Variants in NXPE2 observed in about 807,000 individuals in gnomAD.
NXPE2 encodes the protein neurexophilin and PC-esterase domain family member 2.
Under a neutral mutation model 34.4 loss-of-function variants are expected in NXPE2, and 34 were observed. The observed-to-expected ratio is 0.99, with a 90% CI of 0.75 to 1.31. The LOEUF (loss-of-function observed/expected upper bound fraction) is 1.31. NXPE2 is among the 40% of genes most tolerant of loss of function. The pLI is 0.00. For synonymous variants in NXPE2, 235 were observed against 231.3 expected, an observed-to-expected ratio of 1.02 and a Z score of -0.15; for missense variants, 649 against 672.5, an observed-to-expected ratio of 0.97 and a Z score of 0.39.
At chr11:114,590,654 G>A in the NXPE2 span, among the ~76,000 whole-genome samples, 1 of 152,130 alleles carries the variant, frequency 6.6e-6, no homozygotes, top group Non-Finnish European at 1.5e-5. Context: ...GAAAGGAATG[G>A]GCATGGGAAT....
At chr11:114,686,083 A>G in intron 2 of NXPE2, among the ~76,000 whole-genome samples, 1 of 152,048 alleles carries the variant, frequency 6.6e-6, no homozygotes, top group East Asian at 1.9e-4. Context: ...AGGGTACATG[A>G]GATTTCTCTA....
the NXPE2 span, among the ~76,000 whole-genome samples, chr11:114,807,986 A>T: frequency 1.3e-5 from 2 of 152,234 alleles, no homozygotes; most frequent in East Asian, 1.9e-4. Context: ...AAATTATAAC[A>T]AACTGTCTCT....
chr11:114,518,625 ACTTTGCTCTGAGGTATC>A, the NXPE2 span, among the ~76,000 whole-genome samples: 21 of 152,284 alleles, frequency 1.4e-4, no homozygotes, highest in Admixed American at 8.5e-4. Context: ...GCAGACCATC[ACTTTGCTCTGAGGTATC>A]CTTTGCTCTG....
At chr11:114,504,995 C>T in the NXPE2 span, among the ~76,000 whole-genome samples, 11 of 151,956 alleles carry the variant, frequency 7.2e-5, no homozygotes, top group Non-Finnish European at 1.3e-4. Context: ...TATGATAAAG[C>T]ATTGCAGGAA....
upstream of NXPE2, among the ~76,000 whole-genome samples, chr11:114,677,038 T>A (rs1035686717): frequency 1.3e-4 from 20 of 152,010 alleles, no homozygotes; most frequent in African/African-American, 3.6e-4. Flanking sequence ...AACTATTGCA[T>A]TATCTCATTT....
chr11:114,548,152 T>C, the NXPE2 span, among the ~76,000 whole-genome samples: 3 of 152,124 alleles, frequency 2.0e-5, no homozygotes, highest in Non-Finnish European at 4.4e-5. Context: ...AATGAATATT[T>C]ATGCACCGAG....
chr11:114,487,551 A>G, the NXPE2 span, among the ~76,000 whole-genome samples: 2 of 152,264 alleles, frequency 1.3e-5, no homozygotes, highest in African/African-American at 4.8e-5. Flanking sequence ...TTCCCATCCT[A>G]TGTTGGACAA....
At chr11:114,733,096 G>T in the NXPE2 span, among the ~76,000 whole-genome samples, 1 of 150,644 alleles carries the variant, frequency 6.6e-6, no homozygotes. Flanking sequence ...TGGGTTTTTT[G>T]TTTGTTTGTT....
chr11:114,633,460 T>G, the NXPE2 span, among the ~76,000 whole-genome samples: 110 of 148,398 alleles, frequency 7.4e-4, no homozygotes, highest in African/African-American at 2.6e-3. Flanking sequence ...TTTTTTCTTT[T>G]TTTTATTTTA....
the NXPE2 span, among the ~76,000 whole-genome samples, chr11:114,787,688 GGGAA>G: frequency 6.6e-6 from 1 of 152,054 alleles, no homozygotes; most frequent in Non-Finnish European, 1.5e-5. Context: ...AGTTTAATTA[GGGAA>G]ATACAGATGC....
downstream of NXPE2, among the ~76,000 whole-genome samples, chr11:114,708,812 T>A (rs1466967300): frequency 6.6e-6 from 1 of 152,206 alleles, no homozygotes; most frequent in Non-Finnish European, 1.5e-5. Flanking sequence ...TAATTATTCT[T>A]CCAACCATTG....
the NXPE2 span, among the ~76,000 whole-genome samples, chr11:114,488,799 C>T: frequency 6.6e-6 from 1 of 152,032 alleles, no homozygotes; most frequent in Non-Finnish European, 1.5e-5. Context: ...ATTAAAAGAA[C>T]TAGAGAAGCA....
At chr11:114,605,345 G>T in the NXPE2 span, among the ~76,000 whole-genome samples, 1 of 151,954 alleles carries the variant, frequency 6.6e-6, no homozygotes, top group Non-Finnish European at 1.5e-5. Context: ...ATTGCCTCGT[G>T]GGTGACCACT....
At chr11:114,785,255 TCTTC>T in the NXPE2 span, among the ~76,000 whole-genome samples, 21 of 152,100 alleles carry the variant, frequency 1.4e-4, no homozygotes, top group Admixed American at 4.6e-4. Flanking sequence ...ACCTTAGAAG[TCTTC>T]CAGTCCAACC....
At chr11:114,696,331 C>CA (rs1283265356) in intron 2 of NXPE2, among the ~76,000 whole-genome samples, 697 of 19,948 alleles carry the variant, frequency 0.035, 11 homozygotes, top group African/African-American at 0.061. Context: ...GACTCCATAT[C>CA]AAAAAAACCA....
the NXPE2 span, among the ~76,000 whole-genome samples, chr11:114,482,668 C>A: frequency 6.6e-6 from 1 of 152,162 alleles, no homozygotes; most frequent in Non-Finnish European, 1.5e-5. Context: ...TCTTGTATGG[C>A]CACCTTAGCC....
At chr11:114,471,094 A>C in the NXPE2 span, among the ~76,000 whole-genome samples, 4 of 152,168 alleles carry the variant, frequency 2.6e-5, no homozygotes, top group Admixed American at 2.0e-4. Flanking sequence ...TTGTATTTTC[A>C]TTCTCTTAAC....
At chr11:114,811,751 C>A in the NXPE2 span, among the ~76,000 whole-genome samples, 2 of 152,154 alleles carry the variant, frequency 1.3e-5, no homozygotes, top group African/African-American at 2.4e-5. Flanking sequence ...AAGGGCTGGG[C>A]TAGATGGCAT....
intron 2 of NXPE2, among the ~76,000 whole-genome samples, chr11:114,681,668 A>C (rs568029648): frequency 6.6e-6 from 1 of 152,238 alleles, no homozygotes; most frequent in South Asian, 2.1e-4. Flanking sequence ...TAACATAACG[A>C]TTATAATTAT....
Sources: allele counts gnomAD v4.1 joint callset (sites outside exome capture counted in the v4.1 genomes callset), GRCh38; gene constraint gnomAD v4.1.1; transcripts MANE v1.5; gene names NCBI Gene and HGNC (gene_info 2026-07-23, HGNC 2026-07-21).